The following BNC2 variants were observed in gnomAD, a reference collection of about 807,000 sequenced individuals.
BNC2 encodes zinc finger protein basonuclin-2.
In BNC2, 20 loss-of-function variants were observed where a neutral mutation model predicts 76.3. The observed-to-expected ratio is 0.26, with a 90% CI of 0.18 to 0.38. The LOEUF is 0.38. Ranked by LOEUF, BNC2 falls within the 10% of genes least tolerant of loss-of-function variation. The pLI is 1.00. For synonymous variants in BNC2, 582 were observed against 514.8 expected (o/e 1.13, Z -1.77); for missense variants, 1,382 against 1,399.8 (o/e 0.99, Z 0.20).
At chr9:16,679,272 ACC>A (rs1342891846) in intron 3 of BNC2, among the ~76,000 whole-genome samples, 1 of 152,062 alleles carries the variant, frequency 6.6e-6, no homozygotes, top group Non-Finnish European at 1.5e-5. Context: ...TATACTCCAT[ACC>A]GTAGGAATGT....
Position 16,435,833 on chromosome 9 carries a change from G to A in BNC2, c.2361C>T (p.Tyr787=), listed in dbSNP as rs749727916. The change falls in exon 6 of 7, where the codon TAC becomes TAT. Residue 787 remains tyrosine (Y), a synonymous_variant. Coordinates refer to ENST00000380672, the MANE Select transcript of BNC2 (RefSeq NM_017637.6). The part of the protein sequence containing the change: ...EFTDPTYDMF[Y]MSQYGLYNGG... Reference sequence around the variant, plus strand: ...CATTGTACAGTCCATACTGGCTCATGTAAAACATGTCGTAAGTGGGGTCTG... The same window carrying A: ...CATTGTACAGTCCATACTGGCTCATATAAAACATGTCGTAAGTGGGGTCTG... 7 of 1,613,952 alleles carry A rather than the reference G, an allele frequency of 4.3e-6. No individual in the cohort carries two copies. The South Asian group carries it at 6.6e-5, about 15-fold the overall frequency.
chr9:16,866,663 TAAAA>T (rs55953726), intron 1 of BNC2, among the ~76,000 whole-genome samples: 6,329 of 96,746 alleles, frequency 0.065, 315 homozygotes, highest in Admixed American at 0.23. Context: ...CTGTCACTTT[TAAAA>T]AAAAAAAAAA....
At chr9:16,692,136 T>C (rs1823192154) in intron 3 of BNC2, among the ~76,000 whole-genome samples, 1 of 152,140 alleles carries the variant, frequency 6.6e-6, no homozygotes, top group Non-Finnish European at 1.5e-5. Context: ...GAAAAAAAGG[T>C]ACAGAATTCT....
intron 1 of BNC2, among the ~76,000 whole-genome samples, chr9:16,768,156 G>C (rs1189728543): frequency 1.3e-5 from 2 of 151,806 alleles, no homozygotes; most frequent in South Asian, 4.2e-4. Flanking sequence ...AGTAAAGTCG[G>C]GGTTTCACAA....
rs1820530950 is a variant in BNC2 at position 16,413,963 on chromosome 9, A to G, written c.*5026T>C. 6.6e-6 allele frequency: 1 copy of G among 152,206 alleles called. No individual in the cohort carries two copies. The highest frequency in any genetic ancestry group is 1.5e-5 in the Non-Finnish European group (1 of 68,046). The allele number at this position is 152,206 out of a possible 1,614,324, so 9.4% of individuals were successfully genotyped here. A position where few individuals can be genotyped will look rare whatever the true frequency, so the allele number is the denominator to read the frequency against. On this transcript the variant is annotated 3_prime_UTR_variant, in exon 7 of 7. Transcript: ENST00000380672. ...CATTCGCACCTACTCCTCTGTTAGG[A>G]TGAAAACGAGGTGTTACCACTGGCC... is the stretch of plus-strand genomic sequence containing the variant.
intron 3 of BNC2, among the ~76,000 whole-genome samples, chr9:16,599,998 C>T (rs1030465336): frequency 2.0e-5 from 3 of 152,124 alleles, no homozygotes; most frequent in African/African-American, 4.8e-5. Context: ...GGGCAACCAA[C>T]GGTTTTACTG....
chr9:16,526,099 G>C (rs182360433), intron 5 of BNC2, among the ~76,000 whole-genome samples: 1 of 151,086 alleles, frequency 6.6e-6, no homozygotes, highest in Non-Finnish European at 1.5e-5. Context: ...CTTCATCCTG[G>C]GTTTTTGTTT....
At chr9:16,544,909 T>C (rs1818432924) in intron 5 of BNC2, among the ~76,000 whole-genome samples, 1 of 152,138 alleles carries the variant, frequency 6.6e-6, no homozygotes, top group East Asian at 1.9e-4. Flanking sequence ...AAGAGTACTA[T>C]GGGCTGGTTA....
At chr9:16,663,788 T>C (rs1207676072) in intron 3 of BNC2, among the ~76,000 whole-genome samples, 1 of 152,098 alleles carries the variant, frequency 6.6e-6, no homozygotes, top group Non-Finnish European at 1.5e-5. Context: ...CCTTACTTAA[T>C]AAGAAAGAAA....
At chr9:16,767,692 T>C (rs1311565386) in intron 1 of BNC2, among the ~76,000 whole-genome samples, 2 of 152,192 alleles carry the variant, frequency 1.3e-5, no homozygotes, top group Non-Finnish European at 2.9e-5. Flanking sequence ...ATTTTTATTA[T>C]TGAAGTTTTC....
At chr9:16,755,461 G>A (rs975484326) in intron 1 of BNC2, among the ~76,000 whole-genome samples, 7 of 152,006 alleles carry the variant, frequency 4.6e-5, no homozygotes, top group Admixed American at 6.6e-5. Context: ...TGAAAGTGTC[G>A]ACCACTGCTG....
intron 3 of BNC2, among the ~76,000 whole-genome samples, chr9:16,613,117 T>C (rs1222917747): frequency 1.3e-5 from 2 of 152,102 alleles, no homozygotes; most frequent in Non-Finnish European, 2.9e-5. Context: ...AAAAATCAAC[T>C]GGATCAAAAT....
chr9:16,526,691 C>T (rs1466162952), intron 5 of BNC2, among the ~76,000 whole-genome samples: 1 of 151,948 alleles, frequency 6.6e-6, no homozygotes, highest in Non-Finnish European at 1.5e-5. Context: ...TAATTTATTG[C>T]CTGAACTCCC....
chr9:16,623,768 G>A (rs1360412409), intron 3 of BNC2, among the ~76,000 whole-genome samples: 1 of 152,176 alleles, frequency 6.6e-6, no homozygotes, highest in African/African-American at 2.4e-5. Flanking sequence ...AAAAGCCTTT[G>A]GGAAAACCCC....
chr9:16,438,370 C>T (rs1411907467), intron 5 of BNC2, among the ~76,000 whole-genome samples: 2 of 152,112 alleles, frequency 1.3e-5, no homozygotes, highest in African/African-American at 4.8e-5. Flanking sequence ...TCTCAGCATC[C>T]TCCTCTGATA....
chr9:16,864,661 A>G (rs1024366594), intron 1 of BNC2, among the ~76,000 whole-genome samples: 2 of 152,194 alleles, frequency 1.3e-5, no homozygotes, highest in Non-Finnish European at 2.9e-5. Context: ...GCATATCAAC[A>G]TGTGGCACAT....
chr9:16,674,749 C>T (rs1822586318), intron 3 of BNC2, among the ~76,000 whole-genome samples: 1 of 152,138 alleles, frequency 6.6e-6, no homozygotes, highest in South Asian at 2.1e-4. Flanking sequence ...CCCAAGAAGG[C>T]ACTTAAAGAT....
intron 1 of BNC2, among the ~76,000 whole-genome samples, chr9:16,741,398 A>G (rs1824846509): frequency 6.6e-6 from 1 of 151,950 alleles, no homozygotes; most frequent in South Asian, 2.1e-4. Context: ...GGTTGCGGTG[A>G]GCCGAGATCA....
At chr9:16,628,764 AG>A (rs1241314329) in intron 3 of BNC2, among the ~76,000 whole-genome samples, 2 of 152,234 alleles carry the variant, frequency 1.3e-5, no homozygotes, top group African/African-American at 4.8e-5. Flanking sequence ...TTCCCTGGCA[AG>A]CCCCAGATAT....
Sources: allele counts gnomAD v4.1 joint callset (sites outside exome capture counted in the v4.1 genomes callset), GRCh38; gene constraint gnomAD v4.1.1; transcripts MANE v1.5; gene names NCBI Gene and HGNC (gene_info 2026-07-23, HGNC 2026-07-21).